The following RBCK1 variants were observed in gnomAD, a reference collection of about 807,000 sequenced individuals.
RBCK1 encodes the protein RANBP2-type and C3HC4-type zinc finger containing 1.
RBCK1 carries 44 observed loss-of-function variants against 71.1 expected under a neutral mutation model. The ratio of observed to expected loss-of-function variants is 0.62; its 90% CI spans 0.49 to 0.80. RBCK1 has a LOEUF of 0.80. Ranked by LOEUF, RBCK1 falls within the 30% of genes least tolerant of loss-of-function variation. RBCK1 has a pLI of 0.00. For missense variants in RBCK1, 569 were observed against 685.0 expected (o/e 0.83, Z 1.89); for synonymous variants, 306 against 279.7 (o/e 1.09, Z -0.94).
intron 2 of RBCK1, among the ~76,000 whole-genome samples, chr20:412,946 TTTTGA>T: frequency 6.6e-6 from 1 of 152,326 alleles, no homozygotes; most frequent in East Asian, 1.9e-4. Flanking sequence ...CTTTGGTCCA[TTTTGA>T]TTTAATTTTT....
In RBCK1 at chr20:408,507, C is replaced by T; in HGVS notation, c.-251C>T. The T allele has an allele frequency of 1.8e-6, 1 of 571,402 alleles. No individual in the cohort carries two copies. The highest frequency in any genetic ancestry group is 3.1e-6 in the Non-Finnish European group (1 of 322,596). The allele number at this position is 571,402 out of a possible 1,614,324, so 35.4% of individuals were successfully genotyped here. ...TCGGCTGGTCCCGTTTCCTCCTGCGCCCAGTGCGGACCTGTCTCGGCGCCC... is the reference window on the plus strand; with the variant it reads ...TCGGCTGGTCCCGTTTCCTCCTGCGTCCAGTGCGGACCTGTCTCGGCGCCC... On this transcript the variant is annotated 5_prime_UTR_variant, in exon 1 of 12. Coordinates refer to ENST00000356286, the MANE Select transcript of RBCK1 (RefSeq NM_031229.4).
rs758386365 is a variant in RBCK1 at position 417,260 on chromosome 20, G to A, written c.168-266G>A. 4.5e-6 allele frequency: 3 copies of A among 664,704 alleles called. No individual in the cohort carries two copies. Among genetic ancestry groups the A allele is most frequent in the Admixed American group, 3.9e-5 (2 of 51,598 alleles). 41.2% of individuals were successfully genotyped at this position (664,704 alleles called of 1,614,324 possible). A position where few individuals can be genotyped will look rare whatever the true frequency, so the allele number is the denominator to read the frequency against. On this transcript the variant is annotated intron_variant, in intron 2 of 11. Coordinates refer to ENST00000356286, the MANE Select transcript of RBCK1 (RefSeq NM_031229.4). The surrounding 1 kb of genome is among the most constrained non-coding windows in gnomAD (Gnocchi z 4.7). The stretch of plus-strand genomic sequence containing the variant: ...GACAGAAGAGGTTGGAGAGGTCAGG[G>A]AGGTGCCAGATCATGGAGGCCCTCG...
At chr20:421,079 C>G (rs1283112516) in intron 7 of RBCK1, 48 bp downstream of exon 7, 7 of 1,488,428 alleles carry the variant, frequency 4.7e-6, no homozygotes, top group Non-Finnish European at 6.3e-6. Context: ...ATCAAAGCCG[C>G]CAATTACGCA....
chr20:427,738 G>A (rs951925360), intron 9 of RBCK1, among the ~76,000 whole-genome samples: 18 of 152,032 alleles, frequency 1.2e-4, no homozygotes, highest in African/African-American at 2.9e-4. Flanking sequence ...ATGGAGCCCC[G>A]ACCCTGGGCC....
rs1280658755 is a variant in RBCK1 at position 417,218 on chromosome 20, A to T, written c.168-308A>T. The T allele has an allele frequency of 1.7e-6, 1 of 585,616 alleles. No homozygotes were observed. Among genetic ancestry groups the T allele is most frequent in the African/African-American group, 1.8e-5 (1 of 54,428 alleles). The allele number at this position is 585,616 out of a possible 1,614,324, so 36.3% of individuals were successfully genotyped here. A position where few individuals can be genotyped will look rare whatever the true frequency, so the allele number is the denominator to read the frequency against. ...ACAACAACTTCTGGTGGTTTCACTAAGGAGCAGGGGAGAGAAGACAGAAGA... is the reference window on the plus strand; with the variant it reads ...ACAACAACTTCTGGTGGTTTCACTATGGAGCAGGGGAGAGAAGACAGAAGA... On this transcript the variant is annotated intron_variant, in intron 2 of 11. Coordinates refer to ENST00000356286, the MANE Select transcript of RBCK1 (RefSeq NM_031229.4). The surrounding 1 kb of genome is among the most constrained non-coding windows in gnomAD (Gnocchi z 4.7).
At chr20:418,620 G>T (rs570954124) in intron 4 of RBCK1, among the ~76,000 whole-genome samples, 32 of 152,026 alleles carry the variant, frequency 2.1e-4, no homozygotes, top group South Asian at 1.0e-3. Context: ...CGCCCGCCTC[G>T]GCCTCCCAAA....
chr20:429,002 G>A lies in RBCK1; in HGVS notation c.1360G>A (p.Val454Ile), dbSNP rs770216625. ...AMRCPQCQIV[V>I]QKKDGCDWIR... ...GCGCTGCCCCCAGTGCCAGATCGTGGTACAGAAGAAGGACGGCTGCGACTG... is the reference window on the plus strand; with the variant it reads ...GCGCTGCCCCCAGTGCCAGATCGTGATACAGAAGAAGGACGGCTGCGACTG... Residue 454 changes from valine to isoleucine, a missense_variant, in exon 11 of 12, where the codon GTA (valine) becomes ATA (isoleucine). Around this residue, in one of 2 missense-constraint regions of RBCK1, gnomAD observed 211 missense variants for 309.4 expected, o/e 0.68. Transcript: ENST00000356286. 4 of 1,612,188 alleles carry A rather than the reference G, an allele frequency of 2.5e-6. No individual in the cohort carries two copies. Among genetic ancestry groups the A allele is most frequent in the Non-Finnish European group, 3.4e-6 (4 of 1,179,928 alleles).
In RBCK1 at chr20:428,723, C is replaced by T; in HGVS notation, c.1308+134C>T. 1 of 1,366,132 alleles carries T rather than the reference C, an allele frequency of 7.3e-7. No individual in the cohort carries two copies. The highest frequency in any genetic ancestry group is 9.8e-7 in the Non-Finnish European group (1 of 1,024,382). 84.6% of individuals were successfully genotyped at this position (1,366,132 alleles called of 1,614,324 possible). ...CCTCCCTTCTGGCTGTCACTCCCAT[C>T]CGGAGGTGGGACTTAGGCCGAATGG... is the stretch of plus-strand genomic sequence containing the variant. On this transcript the variant is annotated intron_variant, in intron 10 of 11. Transcript: ENST00000356286. This position sits in a 1 kb window ranked among gnomAD's most constrained non-coding sequence, Gnocchi z 5.7.
chr20:429,336 C>T (rs1162024324), intron 11 of RBCK1, among the ~76,000 whole-genome samples: 6 of 151,972 alleles, frequency 3.9e-5, no homozygotes, highest in East Asian at 1.9e-4. Flanking sequence ...AAGCAATTCT[C>T]CTGCCTCAGC....
chr20:413,778 C>A (rs1343104504), intron 2 of RBCK1, among the ~76,000 whole-genome samples: 1 of 151,768 alleles, frequency 6.6e-6, no homozygotes, highest in African/African-American at 2.4e-5. Flanking sequence ...TGCTTCCTAG[C>A]AAATGATACC....
rs370182004 is a variant in RBCK1 at position 408,725 on chromosome 20, T to TC, written c.-26dup. On this transcript the variant is annotated 5_prime_UTR_variant, in exon 1 of 12. Coordinates refer to ENST00000356286, the MANE Select transcript of RBCK1 (RefSeq NM_031229.4). ...AGGTAGCATTTCCCAGGAGGCACGG[T>TC]CCCCCCCAGGGGGATGGGCACAGCC... is the stretch of plus-strand genomic sequence containing the variant. 12 of 1,611,074 alleles carry TC rather than the reference T, an allele frequency of 7.4e-6. No individual in the cohort carries two copies. The highest frequency in any genetic ancestry group is 1.6e-4 in the Middle Eastern group (1 of 6,070).
intron 6 of RBCK1, 28 bp downstream of exon 6, chr20:419,759 C>T (rs1251688689): frequency 1.3e-6 from 2 of 1,534,100 alleles, no homozygotes; most frequent in Admixed American, 3.9e-5. Flanking sequence ...TGGACAGACA[C>T]CTGCAGACCG....
At chr20:424,197 T>A (rs1217621062) in intron 8 of RBCK1, among the ~76,000 whole-genome samples, 1 of 152,216 alleles carries the variant, frequency 6.6e-6, no homozygotes, top group Non-Finnish European at 1.5e-5. Context: ...TCTTCATGAA[T>A]TCGTTAGCAG....
At position 422,166 on chromosome 20, in the gene RBCK1, G is replaced by T. The variant is rs148685980; in HGVS notation, c.957G>T (p.Ala319=). 3.7e-6 allele frequency: 6 copies of T among 1,613,062 alleles called. No individual in the cohort carries two copies. The highest frequency in any genetic ancestry group is 5.1e-6 in the Non-Finnish European group (6 of 1,179,894). The part of the protein sequence containing the change: ...LQGTIRNSQE[A]EVSCPFIDNT... ...GCACCATCCGCAACAGCCAGGAGGC[G>T]GAGGTCTCCTGCCCCTTCATTGACA... The change falls in exon 8 of 12, where the codon GCG becomes GCT. Residue 319 remains alanine (A), a synonymous_variant. Transcript: ENST00000356286. The surrounding 1 kb of genome is among the most constrained non-coding windows in gnomAD (Gnocchi z 5.0).
At chr20:411,954 C>T (rs1211564196) in intron 2 of RBCK1, among the ~76,000 whole-genome samples, 1 of 152,166 alleles carries the variant, frequency 6.6e-6, no homozygotes, top group Non-Finnish European at 1.5e-5. Context: ...ACATTTGTGT[C>T]CAACTTTTTG....
intron 8 of RBCK1, among the ~76,000 whole-genome samples, chr20:425,096 C>T (rs1424922784): frequency 1.3e-5 from 2 of 152,068 alleles, no homozygotes; most frequent in African/African-American, 4.8e-5. Flanking sequence ...CTGCAAGCTC[C>T]GCCTCCCGGG....
rs1409610178 is a variant in RBCK1 at position 420,989 on chromosome 20, G to C, written c.875G>C (p.Gly292Ala). Residue 292 changes from glycine to alanine, a missense_variant, in exon 7 of 12, where the codon GGC (glycine) becomes GCC (alanine). Gly to Ala is a moderately conservative substitution (Grantham distance 60, BLOSUM62 0). This residue lies in a region of RBCK1 where 211 missense variants were observed against 309.4 expected (regional missense o/e 0.68). Transcript: ENST00000356286. ...GTGTGCTACTCGGTGCTGGCGCCCG[G>C]CGAGGCCGTGGTGCTGCGTGAGTGT... ...CPVCYSVLAP[G>A]EAVVLRECLH... is the part of the protein sequence containing the mutation. The C allele has an allele frequency of 6.4e-7, 1 of 1,565,040 alleles. No homozygotes were observed.
chr20:412,364 A>C (rs1448114970), intron 2 of RBCK1, among the ~76,000 whole-genome samples: 4 of 150,790 alleles, frequency 2.7e-5, no homozygotes, highest in African/African-American at 9.8e-5. Flanking sequence ...TCTGTCACCC[A>C]AGCAGGAGTG....
chr20:418,403 C>G (rs531820543), intron 4 of RBCK1, among the ~76,000 whole-genome samples: 66 of 152,136 alleles, frequency 4.3e-4, no homozygotes, highest in African/African-American at 1.6e-3. Context: ...GAGTCTCGCT[C>G]TGTCGCCCAG....
Sources: gnomAD v4.1 joint callset for allele counts (sites outside exome capture counted in the v4.1 genomes callset) on GRCh38, gnomAD v4.1.1 for gene constraint, gnomAD v4.1.1 regional missense constraint, Gnocchi (gnomAD v3.1) non-coding constraint, MANE v1.5 for transcripts, NCBI Gene and HGNC (gene_info 2026-07-23, HGNC 2026-07-21) for gene names.